Variants in SLC17A1 observed in about 807,000 individuals in gnomAD.
SLC17A1 encodes the protein sodium-dependent phosphate transport protein 1.
SLC17A1 carries 51 observed loss-of-function variants against 53.5 expected under a neutral mutation model. That is an observed-to-expected ratio of 0.95 (90% confidence interval 0.76 to 1.20). The LOEUF is 1.20. SLC17A1 is among the 50% of genes most tolerant of loss of function. The pLI, the probability that SLC17A1 is intolerant of heterozygous loss-of-function variation, is 0.00. For synonymous variants in SLC17A1, 179 were observed against 198.8 expected, an observed-to-expected ratio of 0.90 and a Z score of 0.84; for missense variants, 538 against 568.2, an observed-to-expected ratio of 0.95 and a Z score of 0.54.
chr6:25,750,211 T>A, the SLC17A1 span, among the ~76,000 whole-genome samples: 2 of 152,206 alleles, frequency 1.3e-5, no homozygotes, highest in African/African-American at 4.8e-5. Context: ...TAGTACTTAA[T>A]TTGCATAGGT....
In SLC17A1 at chr6:25,822,873, A is replaced by G. The variant is rs549751361; in HGVS notation, c.208-2958T>C. On this transcript the variant is annotated intron_variant, in intron 3 of 12. Coordinates refer to ENST00000244527, the MANE Select transcript of SLC17A1 (RefSeq NM_005074.5). ...TTGACACAATAAACTGTATCTATAT[A>G]TATATTTGTGAAGCTATCACCACAA... Among the ~76,000 whole-genome samples the G allele has an allele frequency of 1.1e-3, 160 of 152,284 alleles. 1 individual carries two copies. Among genetic ancestry groups the G allele is most frequent in the African/African-American group, 3.8e-3 (157 of 41,566 alleles).
chr6:25,782,082 G>A (rs888933938), downstream of SLC17A1, among the ~76,000 whole-genome samples: 14 of 152,326 alleles, frequency 9.2e-5, no homozygotes, highest in African/African-American at 3.1e-4. Context: ...CCAGTTAGGA[G>A]AATTATGAGA....
chr6:25,796,685 A>T (rs925104805), intron 12 of SLC17A1, among the ~76,000 whole-genome samples: 8 of 152,218 alleles, frequency 5.3e-5, no homozygotes, highest in Non-Finnish European at 1.0e-4. Flanking sequence ...GTTTAAGGTG[A>T]CAAATTTATT....
At chr6:25,818,991 T>C in intron 6 of SLC17A1, 77 bp downstream of exon 6, 1 of 863,046 alleles carries the variant, frequency 1.2e-6, no homozygotes, top group South Asian at 2.0e-5. Flanking sequence ...TATGAATTAT[T>C]ACATTATATT....
At chr6:25,756,514 C>T in the SLC17A1 span, among the ~76,000 whole-genome samples, 1 of 152,050 alleles carries the variant, frequency 6.6e-6, no homozygotes, top group East Asian at 1.9e-4. Flanking sequence ...CATATGTGCC[C>T]CTCCTGGGAT....
intron 10 of SLC17A1, 151 bp downstream of exon 10, chr6:25,811,247 T>C (rs1581476030): frequency 1.3e-6 from 1 of 760,916 alleles, no homozygotes; most frequent in Non-Finnish European, 2.1e-6. Context: ...CACACAAAAA[T>C]GCTAAGTGTG....
chr6:25,725,890 C>T, the SLC17A1 span, among the ~76,000 whole-genome samples: 2 of 152,178 alleles, frequency 1.3e-5, no homozygotes, highest in African/African-American at 4.8e-5. Flanking sequence ...CCACCTCGCC[C>T]AGTGACATAT....
In SLC17A1 at chr6:25,820,350, G is replaced by T. The variant is rs551914487; in HGVS notation, c.208-435C>A. 2.8e-4 allele frequency among the ~76,000 whole-genome samples: 43 copies of T among 152,014 alleles called. 1 individual carries two copies. The highest frequency in any genetic ancestry group is 5.9e-4 in the Admixed American group (9 of 15,276). Reference sequence around the variant, plus strand: ...CTCCTCCATTAATTTAAGCTCATTCGCAAAATCACTTTTCCCCATATACAT... The same window carrying T: ...CTCCTCCATTAATTTAAGCTCATTCTCAAAATCACTTTTCCCCATATACAT... On this transcript the variant is annotated intron_variant, in intron 3 of 12. Coordinates refer to ENST00000244527, the MANE Select transcript of SLC17A1 (RefSeq NM_005074.5).
the SLC17A1 span, among the ~76,000 whole-genome samples, chr6:25,756,381 C>T: frequency 6.6e-6 from 1 of 152,194 alleles, no homozygotes; most frequent in African/African-American, 2.4e-5. Flanking sequence ...CACACAACCA[C>T]ACTAGGTAAG....
the SLC17A1 span, among the ~76,000 whole-genome samples, chr6:25,762,629 A>T: frequency 6.6e-6 from 1 of 152,220 alleles, no homozygotes; most frequent in African/African-American, 2.4e-5. Context: ...AATGACTTCA[A>T]AAGGCAAAAC....
At chr6:25,763,448 G>A in the SLC17A1 span, among the ~76,000 whole-genome samples, 52 of 152,288 alleles carry the variant, frequency 3.4e-4, no homozygotes, top group African/African-American at 1.2e-3. Context: ...TTGTCAGTTG[G>A]TGTCCAACAT....
At chr6:25,814,648 A>G (rs1019688972) in intron 6 of SLC17A1, among the ~76,000 whole-genome samples, 3 of 152,186 alleles carry the variant, frequency 2.0e-5, no homozygotes, top group African/African-American at 7.2e-5. Flanking sequence ...ATGGCTATAG[A>G]AATTTCTAAA....
chr6:25,746,387 G>A, the SLC17A1 span, among the ~76,000 whole-genome samples: 1 of 152,038 alleles, frequency 6.6e-6, no homozygotes, highest in Non-Finnish European at 1.5e-5. Context: ...AGTCAATACT[G>A]ATAAAATATT....
At chr6:25,814,249 A>G (rs1764259033) in intron 6 of SLC17A1, among the ~76,000 whole-genome samples, 1 of 152,254 alleles carries the variant, frequency 6.6e-6, no homozygotes, top group African/African-American at 2.4e-5. Context: ...CTGATTATTT[A>G]CCATGCACCT....
chr6:25,788,971 A>ATAGG (rs70977229), intron 12 of SLC17A1, among the ~76,000 whole-genome samples: 29,138 of 151,678 alleles, frequency 0.19, 3,698 homozygotes, highest in African/African-American at 0.37. Flanking sequence ...GAATAGAAAG[A>ATAGG]TAGGTAGGTA....
chr6:25,740,923 A>G, the SLC17A1 span, among the ~76,000 whole-genome samples: 1 of 152,238 alleles, frequency 6.6e-6, no homozygotes, highest in Non-Finnish European at 1.5e-5. Context: ...AGGCATAGAA[A>G]GAAAAATATC....
At chr6:25,741,570 C>T in the SLC17A1 span, among the ~76,000 whole-genome samples, 223 of 152,084 alleles carry the variant, frequency 1.5e-3, 1 homozygote, top group African/African-American at 4.8e-3. Context: ...CAAAAATTAG[C>T]TGGGCGTGGT....
chr6:25,776,611 C>T, the SLC17A1 span: 9 of 1,608,346 alleles, frequency 5.6e-6, no homozygotes, highest in Non-Finnish European at 7.6e-6. Flanking sequence ...ATCCTGTCTG[C>T]CTTGCCGTTT....
At chr6:25,817,251 C>G (rs1764390906) in intron 6 of SLC17A1, among the ~76,000 whole-genome samples, 1 of 152,218 alleles carries the variant, frequency 6.6e-6, no homozygotes. Flanking sequence ...TTGTCGTATT[C>G]TTTAAAACAG....
Sources: allele counts gnomAD v4.1 joint callset (sites outside exome capture counted in the v4.1 genomes callset), GRCh38; gene constraint gnomAD v4.1.1; transcripts MANE v1.5; gene names NCBI Gene and HGNC (gene_info 2026-07-23, HGNC 2026-07-21).